Variants in CES5A observed in about 807,000 individuals in gnomAD.
CES5A encodes carboxylesterase 5.
Under a neutral mutation model 62.9 loss-of-function variants are expected in CES5A, and 67 were observed. That is an observed-to-expected ratio of 1.07 (90% CI 0.88 to 1.31). CES5A has a LOEUF of 1.31. Ranked by LOEUF, CES5A falls within the 50% of genes most tolerant of loss-of-function variation. The pLI, the probability that CES5A is intolerant of heterozygous loss-of-function variation, is 0.00. For synonymous variants in CES5A, 296 were observed against 280.8 expected (o/e 1.05, Z -0.54); for missense variants, 748 against 708.5 (o/e 1.06, Z -0.63).
intron 1 of CES5A, among the ~76,000 whole-genome samples, chr16:55,899,127 G>A (rs1205620886): frequency 1.3e-5 from 2 of 152,122 alleles, no homozygotes; most frequent in African/African-American, 4.8e-5. Context: ...TACCTATCTG[G>A]AGACCTTTCT....
chr16:55,897,833 T>A (rs1423598824), intron 1 of CES5A, among the ~76,000 whole-genome samples: 1 of 152,120 alleles, frequency 6.6e-6, no homozygotes, highest in African/African-American at 2.4e-5. Flanking sequence ...AATAAAGAAA[T>A]GTAGTAGTAG....
chr16:55,873,579 C>G (rs541876606), intron 2 of CES5A, among the ~76,000 whole-genome samples: 1 of 152,098 alleles, frequency 6.6e-6, no homozygotes, highest in African/African-American at 2.4e-5. Flanking sequence ...GGGCTCAGCT[C>G]GGGATATTCT....
upstream of CES5A, among the ~76,000 whole-genome samples, chr16:55,876,863 G>T (rs2033701406): frequency 6.6e-6 from 1 of 152,206 alleles, no homozygotes; most frequent in Non-Finnish European, 1.5e-5. Flanking sequence ...CTGGGAGCTA[G>T]AGGAGGAGGA....
intron 9 of CES5A, among the ~76,000 whole-genome samples, chr16:55,855,626 C>A (rs1295341651): frequency 1.3e-5 from 2 of 152,102 alleles, no homozygotes; most frequent in Non-Finnish European, 1.5e-5. Context: ...CCCCAACACC[C>A]ACATTAATGC....
At chr16:55,919,624 G>A (rs2034181603) in intron 1 of CES5A, among the ~76,000 whole-genome samples, 2 of 152,164 alleles carry the variant, frequency 1.3e-5, no homozygotes, top group South Asian at 4.1e-4. Context: ...ACATACTGAT[G>A]AAACAACCTT....
intron 1 of CES5A, among the ~76,000 whole-genome samples, chr16:55,881,836 G>A (rs2033765186): frequency 6.6e-6 from 1 of 152,114 alleles, no homozygotes; most frequent in African/African-American, 2.4e-5. Flanking sequence ...CCTAGTATCG[G>A]TGTGAATGAG....
chr16:55,910,361 C>G (rs189157247), intron 1 of CES5A, among the ~76,000 whole-genome samples: 4 of 152,182 alleles, frequency 2.6e-5, no homozygotes, highest in African/African-American at 9.7e-5. Context: ...CTCTCCCAGT[C>G]CTCTCCAGCA....
chr16:55,937,789 C>T (rs1037599728), intron 2 of CES5A, among the ~76,000 whole-genome samples: 28 of 152,092 alleles, frequency 1.8e-4, no homozygotes, highest in African/African-American at 6.0e-4. Context: ...TTGGACAGGG[C>T]CCTTTCCCAA....
At chr16:55,943,941 C>T (rs571682750) in intron 2 of CES5A, 2 of 682,610 alleles carry the variant, frequency 2.9e-6, no homozygotes, top group East Asian at 2.7e-5. Context: ...GGGCAGTATT[C>T]ATCTTCTTCT....
At position 55,875,169 on chromosome 16, in the gene CES5A, A is replaced by G; in HGVS notation, c.53T>C (p.Val18Ala). 1 of 1,614,094 alleles carries G rather than the reference A, an allele frequency of 6.2e-7. No homozygotes were observed. Among genetic ancestry groups the G allele is most frequent in the Non-Finnish European group, 8.5e-7 (1 of 1,179,996 alleles). Residue 18 changes from valine (V) to alanine (A), a missense_variant, in exon 1 of 13, where the codon GTC becomes GCC. Coordinates refer to ENST00000290567, the MANE Select transcript of CES5A (RefSeq NM_001143685.2). ...CTCACCTTTGGTGGGGGCTGCAAGG[A>G]CCCAGATAGCCCAAATTAGGATCTG... is the stretch of plus-strand genomic sequence containing the variant. ...PGQILIWAIW[V>A]LAAPTKGPSA...
intron 2 of CES5A, among the ~76,000 whole-genome samples, chr16:55,942,330 T>G (rs2034454253): frequency 6.6e-6 from 1 of 152,170 alleles, no homozygotes; most frequent in Admixed American, 6.6e-5. Context: ...ATCTGACAAA[T>G]GACTTGTGTA....
At chr16:55,911,319 T>C (rs1189785915) in intron 1 of CES5A, among the ~76,000 whole-genome samples, 1 of 152,126 alleles carries the variant, frequency 6.6e-6, no homozygotes, top group Admixed American at 6.5e-5. Flanking sequence ...TCCCTTCCTT[T>C]CATATGCCTT....
rs2033641788 is a variant in CES5A at position 55,873,766 on chromosome 16, C to T, written c.278+67G>A. 9 of 1,390,656 alleles carry T rather than the reference C, an allele frequency of 6.5e-6. No homozygotes were observed. The Admixed American group carries it at 7.8e-5, about 12-fold the overall frequency. 86.1% of individuals were successfully genotyped at this position (1,390,656 alleles called of 1,614,324 possible). A position where few individuals can be genotyped will look rare whatever the true frequency, so the allele number is the denominator to read the frequency against. On this transcript the variant is annotated intron_variant, in intron 2 of 12. Transcript: ENST00000290567. ...CCAATCCCTCTTCTTTCACACTGGG[C>T]TGCATGACCTGAATTCCTGCCACTC...
Position 55,875,221 on chromosome 16 carries a change from T to TTTGG in CES5A, c.-4_-1dup, listed in dbSNP as rs747318339. On this transcript the variant is annotated 5_prime_UTR_variant, in exon 1 of 13. Transcript: ENST00000290567. ...CCTGGGTGCACCCAATTCCCACTCA[T>TTTGG]TTGGCTGCCTGCCTGCACTCTGTGA... The TTTGG allele has an allele frequency of 6.2e-7, 1 of 1,613,496 alleles. No homozygotes were observed. The highest frequency in any genetic ancestry group is 1.3e-5 in the African/African-American group (1 of 75,046).
intron 1 of CES5A, among the ~76,000 whole-genome samples, chr16:55,894,352 C>T (rs1309256042): frequency 2.0e-5 from 3 of 151,444 alleles, no homozygotes; most frequent in African/African-American, 7.3e-5. Flanking sequence ...ACTAAAAGTA[C>T]AAAAAATCAG....
At chr16:55,938,813 TATACACACAC>T (rs1567362477) in intron 2 of CES5A, among the ~76,000 whole-genome samples, 4 of 111,338 alleles carry the variant, frequency 3.6e-5, no homozygotes, top group African/African-American at 7.1e-5. Flanking sequence ...CATATATATA[TATACACACAC>T]ATATATATAT....
At chr16:55,871,953 A>G (rs1192757156) in intron 2 of CES5A, 190 bp from the exon 3 acceptor site, 2 of 560,350 alleles carry the variant, frequency 3.6e-6, no homozygotes, top group Non-Finnish European at 6.3e-6. Flanking sequence ...GCAAATTATA[A>G]TTCTCATTGA....
chr16:55,850,796 G>A (rs768810609), intron 10 of CES5A, among the ~76,000 whole-genome samples: 3 of 152,106 alleles, frequency 2.0e-5, no homozygotes, highest in Middle Eastern at 3.2e-3. Context: ...TTTGAGGAAC[G>A]GCCACAACTT....
chr16:55,894,881 G>T (rs1380444070), intron 1 of CES5A, among the ~76,000 whole-genome samples: 4 of 152,158 alleles, frequency 2.6e-5, no homozygotes, highest in African/African-American at 9.7e-5. Context: ...AGAGTCCCTT[G>T]TTGTGAATCC....
Sources: gnomAD v4.1 joint callset for allele counts (sites outside exome capture counted in the v4.1 genomes callset) on GRCh38, gnomAD v4.1.1 for gene constraint, MANE v1.5 for transcripts, NCBI Gene and HGNC (gene_info 2026-07-23, HGNC 2026-07-21) for gene names.